The following ZBTB20 variants were observed in gnomAD, a reference collection of about 807,000 sequenced individuals.
ZBTB20 encodes the protein zinc finger and BTB domain-containing protein 20.
ZBTB20 carries 9 observed loss-of-function variants against 56.9 expected under a neutral mutation model. The observed-to-expected ratio is 0.16, with a 90% CI of 0.10 to 0.28. The LOEUF (loss-of-function observed/expected upper bound fraction) is 0.28. Among genes scored for constraint, ZBTB20 ranks in the 10% least tolerant of loss-of-function variants. ZBTB20 has a pLI of 1.00. For missense variants in ZBTB20, 655 were observed against 1,003.0 expected (o/e 0.65, Z 4.69); for synonymous variants, 417 against 420.7 (o/e 0.99, Z 0.11).
At chr3:114,594,772 GTTCTC>G (rs1182350407) in intron 6 of ZBTB20, among the ~76,000 whole-genome samples, 3 of 152,070 alleles carry the variant, frequency 2.0e-5, no homozygotes, top group Non-Finnish European at 4.4e-5. Context: ...TACCAAAAAT[GTTCTC>G]TATTATATCT....
At chr3:114,466,433 C>T (rs1260698442) in intron 7 of ZBTB20, among the ~76,000 whole-genome samples, 2 of 152,150 alleles carry the variant, frequency 1.3e-5, no homozygotes, top group Non-Finnish European at 2.9e-5. Flanking sequence ...CTATCTGTTG[C>T]CTCCATGAGA....
intron 6 of ZBTB20, among the ~76,000 whole-genome samples, chr3:114,543,348 T>C (rs2049342790): frequency 6.6e-6 from 1 of 152,170 alleles, no homozygotes; most frequent in African/African-American, 2.4e-5. Context: ...GCTAACTGTA[T>C]AACCAATAAT....
At chr3:114,463,419 T>A (rs918868117) in intron 7 of ZBTB20, among the ~76,000 whole-genome samples, 1 of 152,186 alleles carries the variant, frequency 6.6e-6, no homozygotes, top group East Asian at 1.9e-4. Flanking sequence ...GATGTTAATT[T>A]CCTTTAGGTC....
At chr3:114,631,984 G>A (rs1358235486) in intron 6 of ZBTB20, among the ~76,000 whole-genome samples, 1 of 152,204 alleles carries the variant, frequency 6.6e-6, no homozygotes, top group East Asian at 1.9e-4. Context: ...CAAGGAGCGT[G>A]GTTGTGAGAG....
At chr3:114,845,360 T>C (rs543110967) in intron 4 of ZBTB20, among the ~76,000 whole-genome samples, 1 of 147,434 alleles carries the variant, frequency 6.8e-6, no homozygotes, top group Non-Finnish European at 1.5e-5. Context: ...AGTATGAAGT[T>C]TGATCGATAC....
At chr3:114,873,794 C>CA (rs2076096187) in intron 4 of ZBTB20, 1 of 152,292 alleles carries the variant, frequency 6.6e-6, no homozygotes, top group Admixed American at 6.5e-5. Flanking sequence ...AAAGGGCCCC[C>CA]AACAGGCTTT....
In ZBTB20 at chr3:114,433,192, C is replaced by T. The variant is rs367795943; in HGVS notation, c.-254-44087G>A. Among the ~76,000 whole-genome samples, 3 of 151,978 alleles carry T rather than the reference C, an allele frequency of 2.0e-5. No individual in the cohort carries two copies. In the East Asian group the frequency reaches 5.8e-4, roughly 29 times the overall value. ...CCTGTAAGAAGCCTGATAAAGAGGC[C>T]AAGTTAAAAGTCATGACCACGTCTA... On this transcript the variant is annotated intron_variant, in intron 7 of 11. Transcript: ENST00000675478.
chr3:114,975,899 C>T (rs576202330), intron 2 of ZBTB20, among the ~76,000 whole-genome samples: 1 of 152,174 alleles, frequency 6.6e-6, no homozygotes, highest in South Asian at 2.1e-4. Context: ...CACTGTAACC[C>T]CATTTTCTTG....
intron 6 of ZBTB20, among the ~76,000 whole-genome samples, chr3:114,563,631 T>C (rs2052369099): frequency 6.6e-6 from 1 of 152,166 alleles, no homozygotes; most frequent in Non-Finnish European, 1.5e-5. Context: ...CCTCCCTCCC[T>C]GAAAACTTTT....
intron 7 of ZBTB20, among the ~76,000 whole-genome samples, chr3:114,477,989 CTTTT>C (rs1298035022): frequency 1.2e-5 from 1 of 81,362 alleles, no homozygotes; most frequent in South Asian, 4.3e-4. Flanking sequence ...CTCTTTCTTT[CTTTT>C]TTTTGAGGCA....
At chr3:114,550,761 T>C (rs2050473263) in intron 6 of ZBTB20, among the ~76,000 whole-genome samples, 1 of 152,202 alleles carries the variant, frequency 6.6e-6, no homozygotes, top group East Asian at 1.9e-4. Flanking sequence ...ATAGTTTGTT[T>C]GTTTTTTGAG....
At chr3:114,687,175 GA>G (rs2062391485) in intron 6 of ZBTB20, 1 of 150,034 alleles carries the variant, frequency 6.7e-6, no homozygotes. Context: ...TGTAGCAAAT[GA>G]ATGCATTTAA....
At chr3:114,738,583 A>G (rs548116923) in intron 5 of ZBTB20, among the ~76,000 whole-genome samples, 53 of 152,294 alleles carry the variant, frequency 3.5e-4, no homozygotes, top group African/African-American at 1.3e-3. Flanking sequence ...ATATAACAAC[A>G]TGTGGTAAGT....
chr3:114,683,984 A>G (rs781338705), intron 6 of ZBTB20, among the ~76,000 whole-genome samples: 2 of 152,166 alleles, frequency 1.3e-5, no homozygotes, highest in East Asian at 1.9e-4. Context: ...TTAAAGTATG[A>G]TCTGGGGAAG....
At chr3:114,425,932 G>C (rs1451797242) in intron 7 of ZBTB20, among the ~76,000 whole-genome samples, 1 of 152,098 alleles carries the variant, frequency 6.6e-6, no homozygotes, top group Non-Finnish European at 1.5e-5. Flanking sequence ...TTCTCATATA[G>C]AGCCACTTAT....
At chr3:114,823,073 A>C (rs1445661211) in intron 4 of ZBTB20, among the ~76,000 whole-genome samples, 1 of 152,154 alleles carries the variant, frequency 6.6e-6, no homozygotes, top group African/African-American at 2.4e-5. Flanking sequence ...TAGAAATCCT[A>C]CATAAAACTT....
At chr3:114,664,486 C>G (rs907665359) in intron 6 of ZBTB20, among the ~76,000 whole-genome samples, 1 of 151,984 alleles carries the variant, frequency 6.6e-6, no homozygotes, top group South Asian at 2.1e-4. Flanking sequence ...TAAAACTAAC[C>G]AAAGGATGGC....
At chr3:115,123,214 G>C (rs772220482) in intron 1 of ZBTB20, among the ~76,000 whole-genome samples, 3 of 152,074 alleles carry the variant, frequency 2.0e-5, no homozygotes, top group African/African-American at 7.2e-5. Context: ...TTAGCACTTT[G>C]CCATTATCTC....
In ZBTB20 at chr3:114,326,707, T is replaced by C. The variant is rs2079076630; in HGVS notation, c.*12298A>G. ...GATTTCTAAAAAGTAATAATTATGC[T>C]TAAATCAAGGTTTATAGATAGCAAA... On this transcript the variant is annotated 3_prime_UTR_variant, in exon 12 of 12. Transcript: ENST00000675478. 2 of 152,206 alleles carry C rather than the reference T, an allele frequency of 1.3e-5. No individual in the cohort carries two copies. Among genetic ancestry groups the C allele is most frequent in the Non-Finnish European group, 2.9e-5 (2 of 68,030 alleles). The allele number at this position is 152,206 out of a possible 1,614,324, so 9.4% of individuals were successfully genotyped here.
Sources: gnomAD v4.1 joint callset for allele counts (sites outside exome capture counted in the v4.1 genomes callset) on GRCh38, gnomAD v4.1.1 for gene constraint, MANE v1.5 for transcripts, NCBI Gene and HGNC (gene_info 2026-07-23, HGNC 2026-07-21) for gene names.